RECQL: variants seen among roughly 807,000 people sequenced by gnomAD.
RECQL encodes the protein ATP-dependent DNA helicase Q1.
RECQL carries 73 observed loss-of-function variants against 75.8 expected under a neutral mutation model. That is an observed-to-expected ratio of 0.96 (90% CI 0.80 to 1.17). RECQL has a LOEUF of 1.17. RECQL is among the 50% of genes most tolerant of loss of function. The probability of loss-of-function intolerance (pLI) is 0.00; values close to 1 mark genes in which losing one functional copy is unlikely to be tolerated. For synonymous variants in RECQL, 248 were observed against 254.4 expected, an observed-to-expected ratio of 0.97 and a Z score of 0.24; for missense variants, 699 against 772.1, an observed-to-expected ratio of 0.91 and a Z score of 1.12.
In RECQL at chr12:21,474,922, C is replaced by A; in HGVS notation, c.1274G>T (p.Arg425Ile). 6.2e-7 allele frequency: 1 copy of A among 1,613,094 alleles called. No individual in the cohort carries two copies. Among genetic ancestry groups the A allele is most frequent in the Non-Finnish European group, 8.5e-7 (1 of 1,179,224 alleles). Residue 425 changes from arginine (R) to isoleucine (I), a missense_variant, in exon 11 of 15, where the codon AGA becomes ATA. Transcript: ENST00000444129. ...ILYYGFGDIF[R>I]ISSMVVMENV... Reference sequence around the variant, plus strand: ...TTCCATCACCACCATTGAACTTATTCTGAATATATCTCCAAAGCCGTAGTA... The same window carrying A: ...TTCCATCACCACCATTGAACTTATTATGAATATATCTCCAAAGCCGTAGTA...
rs10712738 is a variant in RECQL, at chr12:21,486,594, GAAAA to G, written c.395-13_395-10del. On this transcript the variant is annotated splice_polypyrimidine_tract_variant and intron_variant, in intron 4 of 14. Coordinates refer to ENST00000444129, the MANE Select transcript of RECQL (RefSeq NM_002907.4). ...AATGACGAGTGTAAAACCTAAAAGA[GAAAA>G]AAAAAAAAATCTACCTTAAACTTTA... The G allele has an allele frequency of 3.1e-6, 4 of 1,281,864 alleles. No individual in the cohort carries two copies. Among genetic ancestry groups the G allele is most frequent in the Non-Finnish European group, 3.1e-6 (3 of 971,450 alleles). The allele number at this position is 1,281,864 out of a possible 1,614,324, so 79.4% of individuals were successfully genotyped here. A position where few individuals can be genotyped will look rare whatever the true frequency, so the allele number is the denominator to read the frequency against.
At chr12:21,482,554 G>T (rs1445747736) in intron 6 of RECQL, among the ~76,000 whole-genome samples, 1 of 152,224 alleles carries the variant, frequency 6.6e-6, no homozygotes, top group African/African-American at 2.4e-5. Flanking sequence ...CCAAAGTCTA[G>T]ATGAATCCAG....
At chr12:21,485,917 C>G (rs1943286979) in intron 5 of RECQL, among the ~76,000 whole-genome samples, 1 of 152,172 alleles carries the variant, frequency 6.6e-6, no homozygotes, top group African/African-American at 2.4e-5. Context: ...GAGGGTAAGA[C>G]AGTCCATTCC....
At chr12:21,500,251 TG>T (rs780489595) in intron 1 of RECQL, among the ~76,000 whole-genome samples, 61 of 151,890 alleles carry the variant, frequency 4.0e-4, no homozygotes, top group African/African-American at 1.1e-3. Context: ...AAGTTAGAGG[TG>T]GGGGGAGGGG....
At chr12:21,492,059 AT>A (rs1740330863) in intron 2 of RECQL, among the ~76,000 whole-genome samples, 1 of 152,232 alleles carries the variant, frequency 6.6e-6, no homozygotes, top group Non-Finnish European at 1.5e-5. Context: ...TATTTAATAC[AT>A]GATAATTATT....
intron 4 of RECQL, among the ~76,000 whole-genome samples, chr12:21,487,457 T>G (rs2086741674): frequency 6.6e-6 from 1 of 152,222 alleles, no homozygotes; most frequent in Non-Finnish European, 1.5e-5. Context: ...TGAAACTGTT[T>G]AAAGTACAAA....
intron 4 of RECQL, among the ~76,000 whole-genome samples, chr12:21,488,746 T>A (rs992581536): frequency 1.3e-5 from 2 of 152,242 alleles, no homozygotes; most frequent in East Asian, 3.8e-4. Flanking sequence ...ATCTTCCAGA[T>A]GTATCTGGAA....
chr12:21,490,204 G>T lies in RECQL; in HGVS notation c.389C>A (p.Ser130Ter). 3 of 1,602,382 alleles carry T rather than the reference G, an allele frequency of 1.9e-6. No individual in the cohort carries two copies. In the South Asian group the frequency reaches 3.3e-5, roughly 18 times the overall value. The change falls in exon 4 of 15, where the codon TCA becomes TAA. Residue 130 changes from serine (S) to a stop codon, truncating the protein, a stop_gained. Coordinates refer to ENST00000444129, the MANE Select transcript of RECQL (RefSeq NM_002907.4). LOFTEE classifies it high-confidence loss of function. ...TTAATTTTTTTAGTACATACCATCT[G>T]AACATAATGCTGGTAACTGGTAACA... ...SLCYQLPALC[S>*]DGFTLVICPL...
At chr12:21,496,488 T>A (rs576995124) in intron 2 of RECQL, among the ~76,000 whole-genome samples, 3 of 152,236 alleles carry the variant, frequency 2.0e-5, no homozygotes, top group African/African-American at 7.2e-5. Context: ...GCTGCAGGGA[T>A]CCTGATTCCC....
chr12:21,495,318 C>T (rs752586613), intron 2 of RECQL, among the ~76,000 whole-genome samples: 11 of 152,132 alleles, frequency 7.2e-5, no homozygotes, highest in Non-Finnish European at 1.0e-4. Flanking sequence ...AGAAATCGGC[C>T]AGGCACGGTG....
chr12:21,487,411 A>G (rs576900425), intron 4 of RECQL, among the ~76,000 whole-genome samples: 2 of 152,326 alleles, frequency 1.3e-5, no homozygotes, highest in Admixed American at 1.3e-4. Flanking sequence ...TTACTGTCTG[A>G]ATGAAGTTAT....
At chr12:21,477,439 TACTTCTATC>T (rs1943107468) in intron 7 of RECQL, among the ~76,000 whole-genome samples, 1 of 152,236 alleles carries the variant, frequency 6.6e-6, no homozygotes, top group South Asian at 2.1e-4. Flanking sequence ...GGCATATGAA[TACTTCTATC>T]ACTTAGTAAT....
chr12:21,488,173 T>C (rs1943341765), intron 4 of RECQL, among the ~76,000 whole-genome samples: 1 of 152,194 alleles, frequency 6.6e-6, no homozygotes, highest in South Asian at 2.1e-4. Context: ...GAGTCCTTTG[T>C]CATTAAACTC....
intron 2 of RECQL, among the ~76,000 whole-genome samples, chr12:21,492,517 T>C (rs1029436007): frequency 6.6e-6 from 1 of 152,260 alleles, no homozygotes; most frequent in Non-Finnish European, 1.5e-5. Context: ...AAATAGGATG[T>C]TGGGGTACCT....
chr12:21,483,475 T>C lies in RECQL; in HGVS notation c.601A>G (p.Met201Val). The change falls in exon 6 of 15, where the codon ATG becomes GTG. Residue 201 changes from methionine to valine, a missense_variant. Met to Val is a conservative substitution (Grantham distance 21). This residue lies in a region of RECQL where 669 missense variants were observed against 713.5 expected (regional missense o/e 0.94). Coordinates refer to ENST00000444129, the MANE Select transcript of RECQL (RefSeq NM_002907.4). The stretch of plus-strand genomic sequence containing the variant: ...TCATAGGCTTTCTCTAGTCTTGACA[T>C]AAACATTTTGCTTTTTGCAATTTTC... ...PEKIAKSKMF[M>V]SRLEKAYEAR... 3 of 1,592,642 alleles carry C rather than the reference T, an allele frequency of 1.9e-6. No homozygotes were observed. Among genetic ancestry groups the C allele is most frequent in the Non-Finnish European group, 2.6e-6 (3 of 1,174,460 alleles).
intron 2 of RECQL, among the ~76,000 whole-genome samples, chr12:21,496,096 G>A (rs994840682): frequency 6.6e-6 from 1 of 152,212 alleles, no homozygotes; most frequent in African/African-American, 2.4e-5. Flanking sequence ...TTCCTGGAGG[G>A]ATTGCAGAGA....
rs1565564858 is a variant in RECQL, at chr12:21,475,754, ATGAATTCC to A, written c.1012_1019del (p.Gly338CysfsTer13). On this transcript the variant is annotated frameshift_variant, in exon 9 of 15. Transcript: ENST00000444129. LOFTEE classifies it high-confidence loss of function. Reference sequence around the variant, plus strand: ...CCAAATTGGCATGGTAAGCACCTGCATGAATTCCCAGATTCTGCAAACTAACCGTAACT... The same window carrying A: ...CCAAATTGGCATGGTAAGCACCTGCACAGATTCTGCAAACTAACCGTAACT... 5.6e-6 allele frequency: 9 copies of A among 1,613,418 alleles called. No homozygotes were observed. The South Asian group carries it at 9.9e-5, about 18-fold the overall frequency.
At position 21,470,155 on chromosome 12, in the gene RECQL, A is replaced by G. The variant is rs1045457055; in HGVS notation, c.*39T>C. ...TACAAAAATAATGGCATATACATGC[A>G]TAAACCATCTTTAATTAGAAAATTT... On this transcript the variant is annotated 3_prime_UTR_variant, in exon 15 of 15. Coordinates refer to ENST00000444129, the MANE Select transcript of RECQL (RefSeq NM_002907.4). 2 of 1,607,206 alleles carry G rather than the reference A, an allele frequency of 1.2e-6. No homozygotes were observed. Among genetic ancestry groups the G allele is most frequent in the Non-Finnish European group, 1.7e-6 (2 of 1,176,806 alleles).
intron 2 of RECQL, among the ~76,000 whole-genome samples, chr12:21,498,242 C>G (rs570432103): frequency 1.7e-4 from 26 of 152,304 alleles, no homozygotes; most frequent in Admixed American, 1.6e-3. Context: ...ATGCTGCCAG[C>G]TGGGTATCAG....
Sources: allele counts gnomAD v4.1 joint callset (sites outside exome capture counted in the v4.1 genomes callset), GRCh38; gene constraint gnomAD v4.1.1; regional missense constraint gnomAD v4.1.1; transcripts MANE v1.5; gene names NCBI Gene and HGNC (gene_info 2026-07-23, HGNC 2026-07-21).